The following IFI44 variants were observed in gnomAD, a reference collection of about 807,000 sequenced individuals.
The protein encoded by IFI44 is interferon-induced protein 44.
In IFI44, 42 loss-of-function variants were observed where a neutral mutation model predicts 45.0. The ratio of observed to expected loss-of-function variants is 0.93; its 90% CI spans 0.73 to 1.21. The LOEUF (loss-of-function observed/expected upper bound fraction) is 1.21. Among genes scored for constraint, IFI44 ranks in the 50% most tolerant of loss-of-function variants. The pLI is 0.00. For missense variants in IFI44, 623 were observed against 525.8 expected, an observed-to-expected ratio of 1.18 and a Z score of -1.81; for synonymous variants, 221 against 188.6, an observed-to-expected ratio of 1.17 and a Z score of -1.41.
At chr1:78,663,214 G>C in intron 8 of IFI44, 5 of 985,242 alleles carry the variant, frequency 5.1e-6, no homozygotes, top group Non-Finnish European at 6.0e-6. Flanking sequence ...TTGGGACCTA[G>C]AACTGGATTG....
rs115887090 is a variant in IFI44 at position 78,659,463 on chromosome 1, G to A, written c.992G>A (p.Arg331Gln). The A allele has an allele frequency of 5.5e-3, 8,925 of 1,612,636 alleles. 41 individuals carry two copies. The highest frequency in any genetic ancestry group is 0.014 in the South Asian group (1,258 of 91,006). ...SQMIVKIKRI[R>Q]RELVNAGVVH... ...ATGATAGTAAAGATCAAAAGAATTC[G>A]AAGGGAGTTGGTAAACGCTGGTGAG... Residue 331 changes from arginine to glutamine, a missense_variant, in exon 6 of 9, where the codon CGA becomes CAA. By Grantham distance (43) the Arg-to-Gln change is conservative. Coordinates refer to ENST00000370747, the MANE Select transcript of IFI44 (RefSeq NM_006417.5).
At chr1:78,657,799 A>G (rs927090129) in intron 5 of IFI44, among the ~76,000 whole-genome samples, 2 of 152,142 alleles carry the variant, frequency 1.3e-5, no homozygotes, top group African/African-American at 2.4e-5. Context: ...CTCAATATGA[A>G]TTGAACATAC....
chr1:78,662,925 G>T, intron 8 of IFI44, 47 bp downstream of exon 8: 1 of 1,612,496 alleles, frequency 6.2e-7, no homozygotes, highest in Non-Finnish European at 8.5e-7. Context: ...CAGGTAGTTG[G>T]CTACTTTCTG....
Position 78,650,374 on chromosome 1 carries a change from T to C in IFI44, c.179T>C (p.Ile60Thr), listed in dbSNP as rs1557697837. 6.2e-7 allele frequency: 1 copy of C among 1,614,118 alleles called. No homozygotes were observed. The highest frequency in any genetic ancestry group is 1.1e-5 in the South Asian group (1 of 91,078). ...TLTVIYSEDH[I>T]IGAYAEESYQ... ...ACAGTGATTTATAGTGAAGATCATA[T>C]TATTGGAGCATATGCAGAAGAGAGT... Residue 60 changes from isoleucine to threonine, a missense_variant, in exon 2 of 9, where the codon ATT (isoleucine) becomes ACT (threonine). Ile to Thr is a moderately conservative substitution (Grantham distance 89). Transcript: ENST00000370747.
chr1:78,663,743 T>A, intron 8 of IFI44, 22 bp from the exon 9 acceptor site: 1 of 1,610,020 alleles, frequency 6.2e-7, no homozygotes, highest in South Asian at 1.1e-5. Flanking sequence ...CCACTAAGAA[T>A]ATTTTGTGTT....
rs771120829 is a variant in IFI44 at position 78,660,669 on chromosome 1, C to G, written c.1113+15C>G. ...TGAGGTCCAAGGTAATGAATGATGC[C>G]CTTCGTAAACACATTTTCTGGGGTA... is the stretch of plus-strand genomic sequence containing the variant. On this transcript the variant is annotated intron_variant, in intron 7 of 8. Transcript: ENST00000370747. 1.3e-6 allele frequency: 2 copies of G among 1,496,324 alleles called. No individual in the cohort carries two copies. The highest frequency in any genetic ancestry group is 2.3e-5 in the East Asian group (1 of 44,226). 92.7% of individuals were successfully genotyped at this position (1,496,324 alleles called of 1,614,324 possible).
rs767553760 is a variant in IFI44, at chr1:78,659,351, T to C, written c.880T>C (p.Tyr294His). Residue 294 changes from tyrosine to histidine, a missense_variant, in exon 6 of 9, where the codon TAC becomes CAC. Physicochemically the swap from Tyr to His is moderately conservative, Grantham distance 83. Coordinates refer to ENST00000370747, the MANE Select transcript of IFI44 (RefSeq NM_006417.5). ...ATCAATCAAATTAAATCATCATGACTACATTGATTCCCCATCGCTGAAGGA... is the reference window on the plus strand; with the variant it reads ...ATCAATCAAATTAAATCATCATGACCACATTGATTCCCCATCGCTGAAGGA... The part of the protein sequence containing the change: ...MESIKLNHHD[Y>H]IDSPSLKDRI... 13 of 1,613,296 alleles carry C rather than the reference T, an allele frequency of 8.1e-6. No homozygotes were observed. Among genetic ancestry groups the C allele is most frequent in the Non-Finnish European group, 1.0e-5 (12 of 1,179,470 alleles).
Position 78,655,193 on chromosome 1 carries a change from C to G in IFI44, c.674C>G (p.Thr225Ser). 6.2e-7 allele frequency: 1 copy of G among 1,613,384 alleles called. No individual in the cohort carries two copies. The highest frequency in any genetic ancestry group is 8.5e-7 in the Non-Finnish European group (1 of 1,179,616). Residue 225 changes from threonine to serine, a missense_variant, in exon 4 of 9, where the codon ACT becomes AGT. Physicochemically the swap from Thr to Ser is moderately conservative, Grantham distance 58. Transcript: ENST00000370747. ...CAGGCTTTGGTGGGCACTAATACAA[C>G]TGGGATATCTGAGAAGGTAAGCACA... ...THQALVGTNT[T>S]GISEKYRTYS...
rs1647192148 is a variant in IFI44, at chr1:78,655,460, C to T, written c.789C>T (p.Cys263=). The T allele has an allele frequency of 6.2e-7, 1 of 1,613,640 alleles. No individual in the cohort carries two copies. The highest frequency in any genetic ancestry group is 1.7e-5 in the Admixed American group (1 of 59,964). ...TGAGTGAGAAAGAAGGCGGCCTGTG[C>T]AGGGATGACATATTCTATATCTTGA... ...LGLSEKEGGL[C]RDDIFYILNG... The change falls in exon 5 of 9, where the codon TGC becomes TGT. Residue 263 remains cysteine, a synonymous_variant. Coordinates refer to ENST00000370747, the MANE Select transcript of IFI44 (RefSeq NM_006417.5).
chr1:78,652,375 C>T (rs955322994), intron 2 of IFI44, among the ~76,000 whole-genome samples: 1 of 152,200 alleles, frequency 6.6e-6, no homozygotes, highest in Non-Finnish European at 1.5e-5. Flanking sequence ...GCCACCGTGC[C>T]CGGCTGGAAT....
Position 78,650,212 on chromosome 1 carries a change from G to T in IFI44, c.17G>T (p.Arg6Leu). Reference protein sequence around the residue: MAVTTRLTWLHEKILQ... With the variant: MAVTTLLTWLHEKILQ... ...TCAAGAAGTATGGCAGTGACAACTC[G>T]TTTGACATGGTTGCACGAAAAGATC... Residue 6 changes from arginine (R) to leucine (L), a missense_variant, in exon 2 of 9, where the codon CGT (arginine) becomes CTT (leucine). Physicochemically the swap from Arg to Leu is moderately radical, Grantham distance 102. Transcript: ENST00000370747. 1 of 1,602,930 alleles carries T rather than the reference G, an allele frequency of 6.2e-7. No individual in the cohort carries two copies. The highest frequency in any genetic ancestry group is 1.1e-5 in the South Asian group (1 of 90,520).
rs563713697 is a variant in IFI44, at chr1:78,651,540, G to A, written c.457+888G>A. 5.3e-5 allele frequency among the ~76,000 whole-genome samples: 8 copies of A among 152,274 alleles called. No homozygotes were observed. The South Asian group carries it at 1.7e-3, about 32-fold the overall frequency. ...ACGTCCTGCTCTGTGGCCTGGATCC[G>A]AACTGGCCACAAAGAGCCACGGCTC... On this transcript the variant is annotated intron_variant, in intron 2 of 8. Coordinates refer to ENST00000370747, the MANE Select transcript of IFI44 (RefSeq NM_006417.5).
chr1:78,650,285 T>C lies in IFI44; in HGVS notation c.90T>C (p.Gly30=), dbSNP rs770006083. The change falls in exon 2 of 9, where the codon GGT becomes GGC. Residue 30 remains glycine (G), a synonymous_variant. Coordinates refer to ENST00000370747, the MANE Select transcript of IFI44 (RefSeq NM_006417.5). ...GGKRLSLLYK[G]SVHGFRNGVL... is the part of the protein sequence containing the mutation. ...AGCGGCTTAGCCTTCTCTATAAGGG[T>C]AGTGTCCATGGATTCCGTAATGGAG... 8 of 1,614,072 alleles carry C rather than the reference T, an allele frequency of 5.0e-6. No homozygotes were observed. The highest frequency in any genetic ancestry group is 6.8e-6 in the Non-Finnish European group (8 of 1,179,948).
At chr1:78,653,699 T>C (rs1440457619) in intron 2 of IFI44, among the ~76,000 whole-genome samples, 2 of 152,198 alleles carry the variant, frequency 1.3e-5, no homozygotes, top group Non-Finnish European at 2.9e-5. Flanking sequence ...ATGAGTCTCA[T>C]CTTCTCTTCT....
At position 78,650,164 on chromosome 1, in the gene IFI44, AATAT is replaced by A. The variant is rs1647097662; in HGVS notation, c.-10-17_-10-14del. 6 of 1,507,492 alleles carry A rather than the reference AATAT, an allele frequency of 4.0e-6. No individual in the cohort carries two copies. Among genetic ancestry groups the A allele is most frequent in the Admixed American group, 2.0e-5 (1 of 49,826 alleles). The allele number at this position is 1,507,492 out of a possible 1,614,324, so 93.4% of individuals were successfully genotyped here. A position where few individuals can be genotyped will look rare whatever the true frequency, so the allele number is the denominator to read the frequency against. On this transcript the variant is annotated intron_variant, in intron 1 of 8. Coordinates refer to ENST00000370747, the MANE Select transcript of IFI44 (RefSeq NM_006417.5). ...ATCTGTTTTTTAATATTTAATGGAA[AATAT>A]ATATGATTTGCCACTAGATCAAGAA...
chr1:78,659,947 G>C, intron 6 of IFI44, among the ~76,000 whole-genome samples: 1 of 152,188 alleles, frequency 6.6e-6, no homozygotes, highest in East Asian at 1.9e-4. Flanking sequence ...AAGGTAACCA[G>C]GATCAGGGAT....
At position 78,650,629 on chromosome 1, in the gene IFI44, A is replaced by T. The variant is rs146103588; in HGVS notation, c.434A>T (p.Asp145Val). The T allele has an allele frequency of 9.3e-5, 148 of 1,591,026 alleles. No individual in the cohort carries two copies. In the African/African-American group the frequency reaches 1.9e-3, roughly 21 times the overall value. The change falls in exon 2 of 9, where the codon GAT becomes GTT. Residue 145 changes from aspartate to valine, a missense_variant. Physicochemically the swap from Asp to Val is radical, Grantham distance 152. Transcript: ENST00000370747. The part of the protein sequence containing the change: ...LAQNCTISIQ[D>V]YEVFRCEDSL... ...CAAAATTGTACTATCTCTATTCAGG[A>T]TTATGAAGTTTTTCGATGCGAAGGT...
chr1:78,654,522 C>G (rs978990990), intron 3 of IFI44, among the ~76,000 whole-genome samples: 1 of 151,902 alleles, frequency 6.6e-6, no homozygotes, highest in East Asian at 1.9e-4. Context: ...GTTTGTATGT[C>G]TGTGTTTTGC....
intron 5 of IFI44, among the ~76,000 whole-genome samples, chr1:78,658,984 G>A (rs1385068356): frequency 2.0e-5 from 3 of 151,580 alleles, no homozygotes; most frequent in African/African-American, 4.8e-5. Context: ...TTTTTTTTCT[G>A]AATGCTCTTA....
Sources: allele counts gnomAD v4.1 joint callset (sites outside exome capture counted in the v4.1 genomes callset), GRCh38; gene constraint gnomAD v4.1.1; transcripts MANE v1.5; gene names NCBI Gene and HGNC (gene_info 2026-07-23, HGNC 2026-07-21).